The following CHD6 variants were observed in gnomAD, a reference collection of about 807,000 sequenced individuals.
CHD6 encodes chromodomain helicase DNA binding protein 6.
Under a neutral mutation model 276.9 loss-of-function variants are expected in CHD6, and 50 were observed. That is an observed-to-expected ratio of 0.18 (90% CI 0.14 to 0.23). The LOEUF is 0.23. Ranked by LOEUF, CHD6 falls within the 10% of genes least tolerant of loss-of-function variation. CHD6 has a pLI of 1.00. For missense variants in CHD6, 2,564 were observed against 3,365.8 expected (o/e 0.76, Z 5.89); for synonymous variants, 1,173 against 1,229.3 (o/e 0.95, Z 0.96).
At chr20:41,592,465 C>T (rs528608564) in intron 1 of CHD6, among the ~76,000 whole-genome samples, 1 of 152,214 alleles carries the variant, frequency 6.6e-6, no homozygotes, top group African/African-American at 2.4e-5. Flanking sequence ...TAAGTAAAAT[C>T]TAGATATACT....
At chr20:41,548,028 T>C (rs774603000) in intron 2 of CHD6, 23 of 203,434 alleles carry the variant, frequency 1.1e-4, no homozygotes, top group Non-Finnish European at 1.9e-4. Context: ...TCCTGTTCTA[T>C]GGAAATCAAA....
Position 41,403,602 on chromosome 20 carries a change from C to G in CHD6, c.*991G>C, listed in dbSNP as rs1255925361. On this transcript the variant is annotated 3_prime_UTR_variant, in exon 37 of 37. Coordinates refer to ENST00000373233, the MANE Select transcript of CHD6 (RefSeq NM_032221.5). ...CCTCAGACACTCTTGATCAAAGGAC[C>G]TACTAGCAAGTGTCAAAGTGTTGGG... is the stretch of plus-strand genomic sequence containing the variant. 3 of 1,062,822 alleles carry G rather than the reference C, an allele frequency of 2.8e-6. No individual in the cohort carries two copies. Among genetic ancestry groups the G allele is most frequent in the African/African-American group, 1.6e-5 (1 of 61,050 alleles). 65.8% of individuals were successfully genotyped at this position (1,062,822 alleles called of 1,614,324 possible).
intron 17 of CHD6, among the ~76,000 whole-genome samples, chr20:41,472,367 C>T (rs1037491703): frequency 2.0e-4 from 30 of 152,102 alleles, no homozygotes; most frequent in African/African-American, 7.0e-4. Flanking sequence ...TTGCAGTATC[C>T]CCTAGAGTAC....
chr20:41,563,234 C>T (rs992235063), intron 1 of CHD6, among the ~76,000 whole-genome samples: 1 of 152,126 alleles, frequency 6.6e-6, no homozygotes, highest in Non-Finnish European at 1.5e-5. Flanking sequence ...ACTACTGAAC[C>T]AAGAGTATTA....
At chr20:41,494,039 C>A in intron 8 of CHD6, 95 bp from the exon 9 acceptor site, 2 of 786,700 alleles carry the variant, frequency 2.5e-6, no homozygotes, top group South Asian at 1.7e-5. Flanking sequence ...TACTCTAGGC[C>A]CTATCAACAA....
intron 1 of CHD6, among the ~76,000 whole-genome samples, chr20:41,615,456 G>A (rs1044815567): frequency 6.6e-6 from 1 of 151,992 alleles, no homozygotes; most frequent in Non-Finnish European, 1.5e-5. Context: ...GGAGAATGCA[G>A]GCAATCCTAT....
chr20:41,554,597 C>G (rs1000860006), intron 1 of CHD6, among the ~76,000 whole-genome samples: 1 of 151,110 alleles, frequency 6.6e-6, no homozygotes, highest in African/African-American at 2.4e-5. Flanking sequence ...TGACTCTTAA[C>G]GAGCATGCTG....
intron 16 of CHD6, among the ~76,000 whole-genome samples, chr20:41,477,367 C>G (rs977500153): frequency 2.6e-5 from 4 of 151,970 alleles, no homozygotes; most frequent in Admixed American, 6.6e-5. Context: ...CATAATATCT[C>G]CCTATATTTC....
chr20:41,444,454 C>T (rs183123022), intron 25 of CHD6, among the ~76,000 whole-genome samples: 1 of 152,180 alleles, frequency 6.6e-6, no homozygotes, highest in South Asian at 2.1e-4. Context: ...GTAGTTCTAC[C>T]GGACAGCACC....
intron 27 of CHD6, 138 bp downstream of exon 27, chr20:41,437,136 T>C (rs1045000709): frequency 1.6e-6 from 1 of 606,296 alleles, no homozygotes; most frequent in African/African-American, 1.9e-5. Context: ...TATTTTAAGT[T>C]TTTATAATAA....
intron 16 of CHD6, among the ~76,000 whole-genome samples, chr20:41,481,215 C>T (rs55715261): frequency 0.38 from 58,098 of 151,488 alleles, 13,933 homozygotes; most frequent in African/African-American, 0.66. Context: ...AGCTTAAGTT[C>T]AGGCCTAAAA....
At chr20:41,456,191 A>G (rs2145687189) in intron 18 of CHD6, among the ~76,000 whole-genome samples, 1 of 152,234 alleles carries the variant, frequency 6.6e-6, no homozygotes, top group South Asian at 2.1e-4. Context: ...TCTGAAATAA[A>G]GCTCAGCACA....
rs763650763 is a variant in CHD6 at position 41,421,173 on chromosome 20, C to A, written c.5462G>T (p.Ser1821Ile). The change falls in exon 31 of 37, where the codon AGT becomes ATT. Residue 1821 changes from serine to isoleucine, a missense_variant. Coordinates refer to ENST00000373233, the MANE Select transcript of CHD6 (RefSeq NM_032221.5). The part of the protein sequence containing the change: ...ASPSLNPGNE[S>I]GFVDMCSLSV... ...AAGACTGCACATATCTACAAACCCA[C>A]TTTCATTTCCTGGATTCAAGGAAGG... is the stretch of plus-strand genomic sequence containing the variant. The A allele has an allele frequency of 1.2e-5, 19 of 1,613,104 alleles. No individual in the cohort carries two copies. Among genetic ancestry groups the A allele is most frequent in the Non-Finnish European group, 1.6e-5 (19 of 1,179,664 alleles).
chr20:41,572,414 C>A (rs1451272087), intron 1 of CHD6, among the ~76,000 whole-genome samples: 3 of 152,168 alleles, frequency 2.0e-5, no homozygotes, highest in African/African-American at 4.8e-5. Flanking sequence ...CTCCTGTAGA[C>A]ACGGACAGCA....
rs536642048 is a variant in CHD6, at chr20:41,415,120, G to A, written c.6939+66C>T. On this transcript the variant is annotated intron_variant, in intron 34 of 36. Transcript: ENST00000373233. ...GATCCACAAATTATTTTGCGTCTGA[G>A]GAAGAAGGGTTTGTTTCTCAGTGTA... 10 of 1,510,850 alleles carry A rather than the reference G, an allele frequency of 6.6e-6. No individual in the cohort carries two copies. The African/African-American group carries it at 8.4e-5, about 13-fold the overall frequency. The allele number at this position is 1,510,850 out of a possible 1,614,324, so 93.6% of individuals were successfully genotyped here.
At chr20:41,559,481 A>G (rs1410220349) in intron 1 of CHD6, among the ~76,000 whole-genome samples, 1 of 152,170 alleles carries the variant, frequency 6.6e-6, no homozygotes, top group Non-Finnish European at 1.5e-5. Flanking sequence ...GGGCATTTTT[A>G]GGCTTTGAGT....
At chr20:41,587,119 T>G (rs1199984337) in intron 1 of CHD6, among the ~76,000 whole-genome samples, 1 of 152,212 alleles carries the variant, frequency 6.6e-6, no homozygotes, top group Non-Finnish European at 1.5e-5. Context: ...AATAAGGTCA[T>G]AGGCTATAAG....
At chr20:41,437,709 C>T (rs1426372488) in intron 26 of CHD6, among the ~76,000 whole-genome samples, 1 of 152,162 alleles carries the variant, frequency 6.6e-6, no homozygotes, top group Non-Finnish European at 1.5e-5. Flanking sequence ...CTCAGGGATA[C>T]CAATATCGGC....
chr20:41,475,454 C>T (rs1388294405), intron 16 of CHD6, among the ~76,000 whole-genome samples: 1 of 152,122 alleles, frequency 6.6e-6, no homozygotes, highest in East Asian at 1.9e-4. Context: ...ATGGAGAATA[C>T]ATAAGGGACA....
Sources: allele counts gnomAD v4.1 joint callset (sites outside exome capture counted in the v4.1 genomes callset), GRCh38; gene constraint gnomAD v4.1.1; transcripts MANE v1.5; gene names NCBI Gene and HGNC (gene_info 2026-07-23, HGNC 2026-07-21).